SPIDR: variants seen among roughly 807,000 people sequenced by gnomAD.
SPIDR encodes the protein DNA repair-scaffolding protein.
SPIDR carries 93 observed loss-of-function variants against 104.6 expected under a neutral mutation model. The observed-to-expected ratio is 0.89, with a 90% CI of 0.75 to 1.06. The LOEUF is 1.06. SPIDR is among the 50% of genes least tolerant of loss of function. The pLI, the probability that SPIDR is intolerant of heterozygous loss-of-function variation, is 0.00. For missense variants in SPIDR, 1,154 were observed against 1,111.2 expected, an observed-to-expected ratio of 1.04 and a Z score of -0.55; for synonymous variants, 431 against 416.9, an observed-to-expected ratio of 1.03 and a Z score of -0.41.
intron 10 of SPIDR, among the ~76,000 whole-genome samples, chr8:47,665,545 T>C (rs2154465599): frequency 6.6e-6 from 1 of 152,226 alleles, no homozygotes. Flanking sequence ...CACAGAACCA[T>C]GAGAAATTAG....
intron 6 of SPIDR, among the ~76,000 whole-genome samples, chr8:47,401,768 C>A (rs1554663076): frequency 1.3e-5 from 2 of 152,188 alleles, no homozygotes; most frequent in African/African-American, 4.8e-5. Context: ...GGGATCAATT[C>A]AACAAGAAGA....
intron 5 of SPIDR, among the ~76,000 whole-genome samples, chr8:47,325,829 A>G (rs1451160398): frequency 6.6e-6 from 1 of 152,174 alleles, no homozygotes; most frequent in Non-Finnish European, 1.5e-5. Context: ...TGCCTCTGCA[A>G]TGACTAGGTT....
intron 11 of SPIDR, among the ~76,000 whole-genome samples, chr8:47,695,205 G>A (rs7001539): frequency 0.051 from 7,719 of 151,890 alleles, 659 homozygotes; most frequent in African/African-American, 0.18. Context: ...AAAGGCTCTC[G>A]GAACCTCCAG....
Position 47,595,932 on chromosome 8 carries a change from C to G in SPIDR, c.1219C>G (p.Leu407Val). ...TGAAGTGTACTGTCCGGACATACCC[C>G]TTCCAAGAAGAAGCATCTCTTTGGC... ...TCEVYCPDIP[L>V]PRRSISLAQM... Residue 407 changes from leucine (L) to valine (V), a missense_variant, in exon 9 of 20, where the codon CTT (leucine) becomes GTT (valine). Leu to Val is a conservative substitution (Grantham distance 32). Transcript: ENST00000297423. 1 of 1,614,136 alleles carries G rather than the reference C, an allele frequency of 6.2e-7. No individual in the cohort carries two copies. Among genetic ancestry groups the G allele is most frequent in the Non-Finnish European group, 8.5e-7 (1 of 1,180,020 alleles).
At chr8:47,515,746 T>C (rs1286901198) in intron 8 of SPIDR, among the ~76,000 whole-genome samples, 5 of 152,258 alleles carry the variant, frequency 3.3e-5, no homozygotes, top group East Asian at 1.9e-4. Context: ...GAAATTGCTC[T>C]TCCTTGAGGC....
At chr8:47,429,624 AGTGCAG>A (rs1554687662) in intron 7 of SPIDR, among the ~76,000 whole-genome samples, 28 of 152,142 alleles carry the variant, frequency 1.8e-4, no homozygotes, top group African/African-American at 6.8e-4. Context: ...GGCATCACAG[AGTGCAG>A]GAATAGCCCT....
At chr8:47,371,873 C>T (rs2058075574) in intron 5 of SPIDR, among the ~76,000 whole-genome samples, 2 of 152,142 alleles carry the variant, frequency 1.3e-5, no homozygotes, top group Non-Finnish European at 2.9e-5. Context: ...AATCTCCTTT[C>T]AGCCTAACCG....
Position 47,700,400 on chromosome 8 carries a change from C to G in SPIDR, c.1686-3C>G. ...TGAATACCTTTGACTTTTCTTGTTC[C>G]AGGACAGCGGGGATTTTCAGTTTGA... is the stretch of plus-strand genomic sequence containing the variant. On this transcript the variant is annotated splice_region_variant and splice_polypyrimidine_tract_variant and intron_variant, in intron 11 of 19. Coordinates refer to ENST00000297423, the MANE Select transcript of SPIDR (RefSeq NM_001080394.4). 6.2e-7 allele frequency: 1 copy of G among 1,614,192 alleles called. No homozygotes were observed. The highest frequency in any genetic ancestry group is 8.5e-7 in the Non-Finnish European group (1 of 1,180,024).
chr8:47,400,175 C>A (rs1218783330), intron 6 of SPIDR, among the ~76,000 whole-genome samples: 1 of 152,224 alleles, frequency 6.6e-6, no homozygotes, highest in African/African-American at 2.4e-5. Flanking sequence ...GGCCATCCTT[C>A]CTGGCCTTTC....
At chr8:47,267,227 C>T (rs897674502) in intron 1 of SPIDR, among the ~76,000 whole-genome samples, 14 of 151,972 alleles carry the variant, frequency 9.2e-5, no homozygotes, top group Non-Finnish European at 1.9e-4. Flanking sequence ...ATTATATTGC[C>T]CAGGCTGGTC....
chr8:47,360,315 C>G (rs2055592064), intron 5 of SPIDR, among the ~76,000 whole-genome samples: 1 of 142,156 alleles, frequency 7.0e-6, no homozygotes, highest in Non-Finnish European at 1.5e-5. Flanking sequence ...CAACAAGAAT[C>G]AGGCTCTTCG....
intron 5 of SPIDR, among the ~76,000 whole-genome samples, chr8:47,319,651 A>G (rs2046133167): frequency 6.6e-6 from 1 of 152,234 alleles, no homozygotes; most frequent in Non-Finnish European, 1.5e-5. Flanking sequence ...CATTCTTCTC[A>G]GCACCACACC....
chr8:47,528,717 C>G (rs1183656395), intron 8 of SPIDR, among the ~76,000 whole-genome samples: 1 of 150,764 alleles, frequency 6.6e-6, no homozygotes, highest in African/African-American at 2.4e-5. Flanking sequence ...AATTAGTGAG[C>G]TTGAAGAAAT....
chr8:47,475,890 A>G (rs1458402341), intron 8 of SPIDR, among the ~76,000 whole-genome samples: 1 of 152,198 alleles, frequency 6.6e-6, no homozygotes, highest in African/African-American at 2.4e-5. Context: ...TTATAACTGG[A>G]AAAAGAAAAG....
At chr8:47,604,822 A>C (rs2062745010) in intron 10 of SPIDR, among the ~76,000 whole-genome samples, 1 of 152,222 alleles carries the variant, frequency 6.6e-6, no homozygotes, top group Non-Finnish European at 1.5e-5. Context: ...ATCGAAGAAG[A>C]GATGTCCTGT....
intron 11 of SPIDR, among the ~76,000 whole-genome samples, chr8:47,690,156 T>A (rs2078432764): frequency 6.6e-6 from 1 of 151,940 alleles, no homozygotes; most frequent in South Asian, 2.1e-4. Context: ...GAGTGGATCA[T>A]GTGAGGCTTT....
intron 8 of SPIDR, among the ~76,000 whole-genome samples, chr8:47,441,703 A>T (rs1044717079): frequency 1.3e-5 from 2 of 152,048 alleles, no homozygotes; most frequent in Non-Finnish European, 2.9e-5. Flanking sequence ...TGTATCATAG[A>T]TAGAAAGGTT....
rs1408143747 is a variant in SPIDR, at chr8:47,294,050, A to G, written c.525+20A>G. 6.2e-7 allele frequency: 1 copy of G among 1,602,210 alleles called. No homozygotes were observed. Among genetic ancestry groups the G allele is most frequent in the African/African-American group, 1.3e-5 (1 of 74,254 alleles). On this transcript the variant is annotated intron_variant, in intron 5 of 19. Transcript: ENST00000297423. ...CCCAAGGTAAGAATGAAGTATTTCA[A>G]AACTTTTATTCACTTTATAACATTT...
At chr8:47,642,850 A>G (rs2069414311) in intron 10 of SPIDR, among the ~76,000 whole-genome samples, 2 of 152,212 alleles carry the variant, frequency 1.3e-5, no homozygotes, top group Non-Finnish European at 2.9e-5. Flanking sequence ...TCAAGGCTGC[A>G]GTGAGCCATG....
Sources: gnomAD v4.1 joint callset for allele counts (sites outside exome capture counted in the v4.1 genomes callset) on GRCh38, gnomAD v4.1.1 for gene constraint, MANE v1.5 for transcripts, NCBI Gene and HGNC (gene_info 2026-07-23, HGNC 2026-07-21) for gene names.